The following CHRM2 variants were observed in gnomAD, a reference collection of about 807,000 sequenced individuals.
CHRM2 encodes the protein muscarinic acetylcholine receptor M2.
In CHRM2, 8 loss-of-function variants were observed where a neutral mutation model predicts 25.0. That is an observed-to-expected ratio of 0.32 (90% CI 0.19 to 0.58). The LOEUF (loss-of-function observed/expected upper bound fraction) is 0.58. CHRM2 is among the 20% of genes least tolerant of loss of function. The probability of loss-of-function intolerance (pLI) is 0.88; values close to 1 mark genes in which losing one functional copy is unlikely to be tolerated. For missense variants in CHRM2, 440 were observed against 567.1 expected (o/e 0.78, Z 2.28); for synonymous variants, 202 against 205.7 (o/e 0.98, Z 0.15).
intron 2 of CHRM2, among the ~76,000 whole-genome samples, chr7:136,872,506 T>C (rs1199511170): frequency 6.6e-6 from 1 of 152,190 alleles, no homozygotes. Context: ...AAAGTCCAGA[T>C]AGTCAAGCAT....
intron 3 of CHRM2, among the ~76,000 whole-genome samples, chr7:136,996,326 AG>A (rs1239766345): frequency 1.3e-5 from 2 of 152,218 alleles, no homozygotes; most frequent in Admixed American, 1.3e-4. Context: ...AAAAAGACAA[AG>A]GGTACATTTA....
At chr7:136,909,326 T>C (rs2130673396) in intron 2 of CHRM2, among the ~76,000 whole-genome samples, 1 of 152,080 alleles carries the variant, frequency 6.6e-6, no homozygotes. Context: ...GTTATATTTA[T>C]CAAAGCATGT....
At chr7:136,950,622 TA>T (rs1289826510) in intron 2 of CHRM2, among the ~76,000 whole-genome samples, 2 of 151,964 alleles carry the variant, frequency 1.3e-5, no homozygotes, top group African/African-American at 4.8e-5. Context: ...AATGAATAAA[TA>T]AAGTTGGATT....
chr7:136,878,002 A>G (rs1796113117), intron 2 of CHRM2, among the ~76,000 whole-genome samples: 1 of 151,982 alleles, frequency 6.6e-6, no homozygotes, highest in Non-Finnish European at 1.5e-5. Context: ...GAATAATTTG[A>G]TTGGTAGAGG....
chr7:136,971,200 A>G (rs922982176), intron 2 of CHRM2, among the ~76,000 whole-genome samples: 4 of 152,214 alleles, frequency 2.6e-5, no homozygotes, highest in Non-Finnish European at 5.9e-5. Context: ...TGATGGAATG[A>G]AAGCATATAG....
At chr7:136,874,119 A>G (rs62485218) in intron 2 of CHRM2, among the ~76,000 whole-genome samples, 20,092 of 152,202 alleles carry the variant, frequency 0.13, 1,481 homozygotes, top group Non-Finnish European at 0.17. Flanking sequence ...ATCCCAGTCT[A>G]GTTGTCTCTC....
chr7:136,959,641 G>A (rs1412507688), intron 2 of CHRM2, among the ~76,000 whole-genome samples: 1 of 152,182 alleles, frequency 6.6e-6, no homozygotes, highest in African/African-American at 2.4e-5. Context: ...GGGAGGCCAC[G>A]GTGGCTCACA....
At chr7:136,948,118 GACAGATTCTATACA>G (rs1800178709) in intron 2 of CHRM2, among the ~76,000 whole-genome samples, 1 of 152,060 alleles carries the variant, frequency 6.6e-6, no homozygotes, top group Admixed American at 6.6e-5. Context: ...CTGTTCACAG[GACAGATTCTATACA>G]ACAGCAAAGA....
At chr7:136,956,181 G>A (rs756297021) in intron 2 of CHRM2, among the ~76,000 whole-genome samples, 7 of 152,120 alleles carry the variant, frequency 4.6e-5, no homozygotes, top group Non-Finnish European at 8.8e-5. Context: ...GACAAACAAG[G>A]TGATCTCACA....
intron 3 of CHRM2, among the ~76,000 whole-genome samples, chr7:136,999,080 C>T (rs1563116822): frequency 6.6e-6 from 1 of 152,068 alleles, no homozygotes; most frequent in Non-Finnish European, 1.5e-5. Context: ...TCATGAAATT[C>T]GCCCATGAAC....
At chr7:136,983,148 T>C (rs1286024758) in intron 2 of CHRM2, among the ~76,000 whole-genome samples, 1 of 152,210 alleles carries the variant, frequency 6.6e-6, no homozygotes, top group Non-Finnish European at 1.5e-5. Flanking sequence ...TCCTTTTCAT[T>C]CTTTTTACTC....
chr7:137,015,717 T>A lies in CHRM2; in HGVS notation c.852T>A (p.Asn284Lys). 6.2e-7 allele frequency: 1 copy of A among 1,613,280 alleles called. No homozygotes were observed. Among genetic ancestry groups the A allele is most frequent in the Non-Finnish European group, 8.5e-7 (1 of 1,179,570 alleles). Residue 284 changes from asparagine to lysine, a missense_variant, in exon 4 of 4, where the codon AAT becomes AAA. Asn to Lys is a moderately conservative substitution (Grantham distance 94). This residue lies in a region of CHRM2 where 261 missense variants were observed against 261.8 expected (regional missense o/e 1.00). Transcript: ENST00000680005. The surrounding 1 kb of genome is among the most constrained non-coding windows in gnomAD (Gnocchi z 5.1). The part of the protein sequence containing the change: ...CVQGEEKESS[N>K]DSTSVSAVAS... ...AGGGAGAGGAGAAGGAGAGCTCCAA[T>A]GACTCCACCTCAGTCAGTGCTGTTG...
chr7:136,908,169 CCTCAA>C (rs1797656895), intron 2 of CHRM2, among the ~76,000 whole-genome samples: 1 of 151,852 alleles, frequency 6.6e-6, no homozygotes, highest in Non-Finnish European at 1.5e-5. Context: ...CTTATTTAAA[CCTCAA>C]AAGAGCTGTA....
At chr7:136,998,263 G>A (rs939683392) in intron 3 of CHRM2, among the ~76,000 whole-genome samples, 3 of 152,168 alleles carry the variant, frequency 2.0e-5, no homozygotes, top group Admixed American at 6.6e-5. Flanking sequence ...AGGAAGCTGA[G>A]ATGTACCAGG....
At chr7:136,888,333 C>T (rs761236965) in intron 2 of CHRM2, among the ~76,000 whole-genome samples, 23 of 152,140 alleles carry the variant, frequency 1.5e-4, no homozygotes, top group Non-Finnish European at 2.8e-4. Context: ...CCCATTGCTG[C>T]GCTGGGGAAA....
At chr7:136,916,592 A>G (rs1798125605) in intron 2 of CHRM2, among the ~76,000 whole-genome samples, 1 of 151,078 alleles carries the variant, frequency 6.6e-6, no homozygotes, top group African/African-American at 2.4e-5. Flanking sequence ...TGTCCTCCTC[A>G]CATGTTCCCT....
At chr7:136,883,190 G>T (rs902907226) in intron 2 of CHRM2, among the ~76,000 whole-genome samples, 1 of 152,202 alleles carries the variant, frequency 6.6e-6, no homozygotes, top group South Asian at 2.1e-4. Context: ...CCTAGCAGTG[G>T]GGATCTTCCA....
At chr7:136,985,789 T>G (rs928410174) in intron 2 of CHRM2, among the ~76,000 whole-genome samples, 4 of 152,296 alleles carry the variant, frequency 2.6e-5, no homozygotes, top group Middle Eastern at 3.4e-3. Flanking sequence ...GTATATTTTC[T>G]GGGTTGTATG....
intron 2 of CHRM2, among the ~76,000 whole-genome samples, chr7:136,895,423 A>G (rs1796854803): frequency 6.6e-6 from 1 of 152,214 alleles, no homozygotes; most frequent in Non-Finnish European, 1.5e-5. Flanking sequence ...CCTAAATTTC[A>G]TTCCCATCTC....
Sources: allele counts gnomAD v4.1 joint callset (sites outside exome capture counted in the v4.1 genomes callset), GRCh38; gene constraint gnomAD v4.1.1; regional missense constraint gnomAD v4.1.1; non-coding constraint Gnocchi (gnomAD v3.1); transcripts MANE v1.5; gene names NCBI Gene and HGNC (gene_info 2026-07-23, HGNC 2026-07-21).